VPS13C: variants seen among roughly 807,000 people sequenced by gnomAD.
VPS13C encodes intermembrane lipid transfer protein VPS13C.
VPS13C carries 358 observed loss-of-function variants against 456.8 expected under a neutral mutation model. The observed-to-expected ratio is 0.78, with a 90% confidence interval of 0.72 to 0.86. VPS13C has a LOEUF of 0.86. Ranked by LOEUF, VPS13C falls within the 40% of genes least tolerant of loss-of-function variation. The probability of loss-of-function intolerance (pLI) is 0.00; values close to 1 mark genes in which losing one functional copy is unlikely to be tolerated. For missense variants in VPS13C, 4,818 were observed against 4,385.4 expected (o/e 1.10, Z -2.79); for synonymous variants, 1,578 against 1,486.7 (o/e 1.06, Z -1.41).
At chr15:61,984,372 C>T (rs1324119090) in intron 19 of VPS13C, among the ~76,000 whole-genome samples, 1 of 152,198 alleles carries the variant, frequency 6.6e-6, no homozygotes, top group African/African-American at 2.4e-5. Context: ...TCCAGCTTCT[C>T]CTAGTCATTT....
chr15:61,937,595 C>T (rs1391807793), intron 47 of VPS13C, among the ~76,000 whole-genome samples: 2 of 152,202 alleles, frequency 1.3e-5, no homozygotes, highest in African/African-American at 4.8e-5. Context: ...CTGCCTCAAC[C>T]TCGTGAGTAG....
intron 38 of VPS13C, among the ~76,000 whole-genome samples, chr15:61,952,822 G>A (rs554283420): frequency 4.6e-5 from 7 of 152,064 alleles, no homozygotes; most frequent in East Asian, 1.9e-4. Flanking sequence ...GGGCTCAAGC[G>A]ATCCTCCTGC....
intron 79 of VPS13C, among the ~76,000 whole-genome samples, chr15:61,871,484 T>C (rs1363734636): frequency 1.3e-5 from 2 of 152,164 alleles, no homozygotes; most frequent in Non-Finnish European, 2.9e-5. Context: ...CTTATGTTAG[T>C]ACTACACTGT....
intron 1 of VPS13C, among the ~76,000 whole-genome samples, chr15:62,044,497 T>C (rs1255277581): frequency 6.6e-6 from 1 of 152,106 alleles, no homozygotes; most frequent in African/African-American, 2.4e-5. Context: ...CTAGCTAACA[T>C]TTAAACAAAC....
At chr15:61,937,994 C>T (rs906268864) in intron 47 of VPS13C, among the ~76,000 whole-genome samples, 9 of 152,152 alleles carry the variant, frequency 5.9e-5, no homozygotes, top group African/African-American at 1.9e-4. Context: ...AGCAAATCTC[C>T]TCTGAATACC....
intron 37 of VPS13C, among the ~76,000 whole-genome samples, chr15:61,957,673 A>C (rs1054689795): frequency 2.0e-5 from 3 of 152,128 alleles, no homozygotes; most frequent in Non-Finnish European, 4.4e-5. Context: ...TTGCTGACCT[A>C]ATTGTCAATT....
At chr15:61,919,611 G>A (rs991865373) in intron 57 of VPS13C, among the ~76,000 whole-genome samples, 162 bp from the exon 58 acceptor site, 1 of 151,898 alleles carries the variant, frequency 6.6e-6, no homozygotes, top group African/African-American at 2.4e-5. Flanking sequence ...AAGAAGACCA[G>A]TTACTGTTAT....
chr15:61,907,125 A>C (rs777457474), intron 66 of VPS13C, 139 bp downstream of exon 66: 1 of 1,263,378 alleles, frequency 7.9e-7, no homozygotes, highest in Non-Finnish European at 1.1e-6. Context: ...TTTGCCATCT[A>C]AAGTCCAAAA....
At chr15:61,917,731 C>T (rs1042337910) in intron 59 of VPS13C, 96 bp from the exon 60 acceptor site, 4 of 1,317,162 alleles carry the variant, frequency 3.0e-6, no homozygotes, top group Non-Finnish European at 4.1e-6. Context: ...AAGATAGGTG[C>T]TATTATTCCT....
chr15:62,026,642 C>G (rs1156480385), intron 6 of VPS13C, among the ~76,000 whole-genome samples: 1 of 152,066 alleles, frequency 6.6e-6, no homozygotes, highest in Non-Finnish European at 1.5e-5. Flanking sequence ...AAGCAACTAG[C>G]TCAGCTCACA....
intron 66 of VPS13C, among the ~76,000 whole-genome samples, chr15:61,901,090 A>G (rs1273990742): frequency 6.6e-6 from 1 of 151,312 alleles, no homozygotes; most frequent in Admixed American, 6.6e-5. Flanking sequence ...CCTTCCTTAC[A>G]CCTTATACAA....
intron 30 of VPS13C, among the ~76,000 whole-genome samples, 198 bp downstream of exon 30, chr15:61,965,885 A>C (rs957544611): frequency 5.3e-5 from 8 of 151,890 alleles, no homozygotes; most frequent in Admixed American, 2.6e-4. Flanking sequence ...GGACGCTAGG[A>C]TGTGATATAA....
intron 66 of VPS13C, chr15:61,906,984 CCTT>C: frequency 3.0e-6 from 1 of 328,340 alleles, no homozygotes. Context: ...TCTTACAATT[CCTT>C]CCTTTTAAAA....
At chr15:61,926,305 C>T (rs1038377686) in intron 52 of VPS13C, among the ~76,000 whole-genome samples, 8 of 152,154 alleles carry the variant, frequency 5.3e-5, no homozygotes, top group African/African-American at 1.9e-4. Context: ...GAGGCTGAGG[C>T]AGAAGGATTA....
At position 61,880,763 on chromosome 15, in the gene VPS13C, T is replaced by TC. The variant is rs201104031; in HGVS notation, c.9889-42dup. 2.0e-4 allele frequency: 312 copies of TC among 1,536,172 alleles called. 1 individual carries two copies. In the East Asian group the frequency reaches 6.3e-3, roughly 31 times the overall value. ...TCAAGAATTTCTATTTTAATTTTTTTCTCTATTAGAATTCGTTCAAAAGAG... is the reference window on the plus strand; with the variant it reads ...TCAAGAATTTCTATTTTAATTTTTTTCCTCTATTAGAATTCGTTCAAAAGAG... On this transcript the variant is annotated intron_variant, in intron 72 of 84. Transcript: ENST00000644861.
At chr15:61,856,164 T>C (rs1893891706) in intron 83 of VPS13C, 122 bp downstream of exon 83, 3 of 1,183,660 alleles carry the variant, frequency 2.5e-6, no homozygotes, top group African/African-American at 1.6e-5. Flanking sequence ...TACATCTTTC[T>C]TCACATCTCA....
chr15:61,954,722 C>T (rs2044927134), intron 37 of VPS13C, among the ~76,000 whole-genome samples, 168 bp from the exon 38 acceptor site: 1 of 152,130 alleles, frequency 6.6e-6, no homozygotes, highest in South Asian at 2.1e-4. Flanking sequence ...GAGACATATA[C>T]ATTTAAAATA....
chr15:62,031,183 T>C (rs1215958061), intron 5 of VPS13C, among the ~76,000 whole-genome samples: 1 of 152,060 alleles, frequency 6.6e-6, no homozygotes, highest in African/African-American at 2.4e-5. Flanking sequence ...ACAATATAAT[T>C]TTACCACATA....
chr15:62,056,465 G>A (rs1447596810), intron 1 of VPS13C, among the ~76,000 whole-genome samples: 1 of 152,228 alleles, frequency 6.6e-6, no homozygotes, highest in Non-Finnish European at 1.5e-5. Context: ...TTGGTCTAGC[G>A]GTAACGCCAG....
Sources: gnomAD v4.1 joint callset for allele counts (sites outside exome capture counted in the v4.1 genomes callset) on GRCh38, gnomAD v4.1.1 for gene constraint, MANE v1.5 for transcripts, NCBI Gene and HGNC (gene_info 2026-07-23, HGNC 2026-07-21) for gene names.